MDFIC: variants seen among roughly 807,000 people sequenced by gnomAD.
The protein encoded by MDFIC is MyoD family inhibitor domain containing.
In MDFIC, 17 loss-of-function variants were observed where a neutral mutation model predicts 23.2. That is an observed-to-expected ratio of 0.73 (90% CI 0.50 to 1.10). The LOEUF is 1.10. Among genes scored for constraint, MDFIC ranks in the 50% least tolerant of loss-of-function variants. The pLI, the probability that MDFIC is intolerant of heterozygous loss-of-function variation, is 0.00. For missense variants in MDFIC, 356 were observed against 316.6 expected, an observed-to-expected ratio of 1.12 and a Z score of -0.95; for synonymous variants, 120 against 115.2, an observed-to-expected ratio of 1.04 and a Z score of -0.27.
At chr7:114,949,800 G>A (rs1241214366) in intron 3 of MDFIC, among the ~76,000 whole-genome samples, 2 of 152,010 alleles carry the variant, frequency 1.3e-5, no homozygotes, top group African/African-American at 4.8e-5. Context: ...TAAATGTGGG[G>A]AGGGGGCCAG....
chr7:114,922,725 C>G (rs1273843005), intron 1 of MDFIC, 89 bp downstream of exon 1: 20 of 1,354,680 alleles, frequency 1.5e-5, no homozygotes, highest in Non-Finnish European at 1.8e-5. Context: ...TCCAGCCCCT[C>G]CCCGCTGGGT....
chr7:115,018,618 C>T lies in MDFIC; in HGVS notation c.*2683C>T, dbSNP rs184214422. ...TAAAATGTTTTGTTGAAGTATATGG[C>T]TATCATGACTAAGTGCTAGAATTTA... On this transcript the variant is annotated 3_prime_UTR_variant, in exon 5 of 5. Coordinates refer to ENST00000393486, the MANE Select transcript of MDFIC (RefSeq NM_001166345.3). 7 of 152,378 alleles carry T rather than the reference C, an allele frequency of 4.6e-5. No homozygotes were observed. Among genetic ancestry groups the T allele is most frequent in the Non-Finnish European group, 8.8e-5 (6 of 67,848 alleles). 9.4% of individuals were successfully genotyped at this position (152,378 alleles called of 1,614,324 possible).
chr7:115,013,706 C>T (rs187650397), intron 4 of MDFIC, among the ~76,000 whole-genome samples: 2 of 152,264 alleles, frequency 1.3e-5, no homozygotes, highest in Admixed American at 6.5e-5. Flanking sequence ...AAATATTTTA[C>T]AAATCATGAC....
At chr7:114,923,564 T>C in intron 2 of MDFIC, 1 of 1,534,090 alleles carries the variant, frequency 6.5e-7, no homozygotes, top group Non-Finnish European at 8.7e-7. Context: ...CGGTTGATAA[T>C]TCAGGTTTCT....
chr7:114,937,614 T>C (rs1472858730), intron 2 of MDFIC, among the ~76,000 whole-genome samples: 1 of 152,254 alleles, frequency 6.6e-6, no homozygotes, highest in Non-Finnish European at 1.5e-5. Flanking sequence ...GGTCAGCCTT[T>C]GAGCCAGAAT....
chr7:114,924,281 A>G (rs1431046707), intron 2 of MDFIC, among the ~76,000 whole-genome samples: 1 of 152,128 alleles, frequency 6.6e-6, no homozygotes, highest in Non-Finnish European at 1.5e-5. Context: ...CAGCACAATC[A>G]TTTTCCTGTC....
chr7:114,939,361 G>A (rs1792494118), intron 2 of MDFIC, among the ~76,000 whole-genome samples: 1 of 152,144 alleles, frequency 6.6e-6, no homozygotes, highest in Non-Finnish European at 1.5e-5. Flanking sequence ...TAGTTTTCAA[G>A]AGAAGCAAAG....
At chr7:114,993,990 C>G (rs536870320) in intron 4 of MDFIC, among the ~76,000 whole-genome samples, 123 of 152,192 alleles carry the variant, frequency 8.1e-4, no homozygotes, top group Non-Finnish European at 1.5e-3. Context: ...GTCTAAGTCT[C>G]TTTGTAGGTC....
chr7:114,957,708 G>C (rs566240348), intron 3 of MDFIC, among the ~76,000 whole-genome samples: 1 of 152,090 alleles, frequency 6.6e-6, no homozygotes, highest in Non-Finnish European at 1.5e-5. Context: ...TCTTTCAATG[G>C]TATGGAAATA....
intron 4 of MDFIC, among the ~76,000 whole-genome samples, chr7:114,993,990 CT>C (rs1256011978): frequency 6.6e-6 from 1 of 152,074 alleles, no homozygotes; most frequent in African/African-American, 2.4e-5. Context: ...GTCTAAGTCT[CT>C]TTGTAGGTCT....
At chr7:114,954,489 T>C (rs112454885) in intron 3 of MDFIC, among the ~76,000 whole-genome samples, 13 of 152,352 alleles carry the variant, frequency 8.5e-5, no homozygotes, top group African/African-American at 3.1e-4. Flanking sequence ...AGGAAGAGTG[T>C]TATGTAATGG....
intron 2 of MDFIC, among the ~76,000 whole-genome samples, chr7:114,930,540 C>CCA (rs1285519168): frequency 4.6e-5 from 7 of 152,132 alleles, no homozygotes; most frequent in Non-Finnish European, 1.0e-4. Flanking sequence ...ATGAGGGAAG[C>CCA]TGTGGAATTT....
At chr7:114,991,134 G>A (rs1791149250) in intron 4 of MDFIC, among the ~76,000 whole-genome samples, 1 of 152,132 alleles carries the variant, frequency 6.6e-6, no homozygotes, top group Non-Finnish European at 1.5e-5. Context: ...TCTGTTGGCT[G>A]CATAAATGTC....
chr7:114,937,830 G>A (rs756886240), intron 2 of MDFIC, among the ~76,000 whole-genome samples: 3 of 152,126 alleles, frequency 2.0e-5, no homozygotes, highest in Non-Finnish European at 2.9e-5. Context: ...GATGCCAGTG[G>A]TGTTCAACTA....
chr7:114,958,842 C>T (rs1038042335), intron 3 of MDFIC, among the ~76,000 whole-genome samples: 8 of 152,124 alleles, frequency 5.3e-5, no homozygotes, highest in Admixed American at 1.3e-4. Flanking sequence ...GCTAAGGATT[C>T]GCCACTCCTC....
chr7:115,007,335 C>T (rs1791588726), intron 4 of MDFIC, among the ~76,000 whole-genome samples: 1 of 152,094 alleles, frequency 6.6e-6, no homozygotes, highest in South Asian at 2.1e-4. Context: ...TGTGCATTAT[C>T]TCTTTTAATC....
At chr7:114,960,922 A>G (rs957809352) in intron 3 of MDFIC, among the ~76,000 whole-genome samples, 3 of 152,192 alleles carry the variant, frequency 2.0e-5, no homozygotes, top group Non-Finnish European at 4.4e-5. Context: ...AACTAATTTT[A>G]TGGTTCTGAA....
intron 4 of MDFIC, among the ~76,000 whole-genome samples, chr7:115,012,803 C>A (rs1348099799): frequency 6.6e-6 from 1 of 151,892 alleles, no homozygotes; most frequent in Non-Finnish European, 1.5e-5. Flanking sequence ...CAAGGTAAAA[C>A]CTCATCTCTA....
chr7:114,968,471 G>A (rs1014850354), intron 3 of MDFIC, among the ~76,000 whole-genome samples: 6 of 152,164 alleles, frequency 3.9e-5, no homozygotes, highest in South Asian at 4.1e-4. Context: ...TTTGTTGCAC[G>A]ATTTATCTGA....
Sources: allele counts gnomAD v4.1 joint callset (sites outside exome capture counted in the v4.1 genomes callset), GRCh38; gene constraint gnomAD v4.1.1; transcripts MANE v1.5; gene names NCBI Gene and HGNC (gene_info 2026-07-23, HGNC 2026-07-21).